C1orf141: variants seen among roughly 807,000 people sequenced by gnomAD.
C1orf141 encodes the protein chromosome 1 open reading frame 141.
C1orf141 carries 19 observed loss-of-function variants against 23.2 expected under a neutral mutation model. The observed-to-expected ratio is 0.82, with a 90% CI of 0.57 to 1.20. C1orf141 has a LOEUF of 1.20. Ranked by LOEUF, C1orf141 falls within the 50% of genes most tolerant of loss-of-function variation. The pLI is 0.00. For synonymous variants in C1orf141, 153 were observed against 154.6 expected, an observed-to-expected ratio of 0.99 and a Z score of 0.08; for missense variants, 469 against 455.1, an observed-to-expected ratio of 1.03 and a Z score of -0.28.
chr1:67,120,230 G>A (rs1242919884), intron 4 of C1orf141, among the ~76,000 whole-genome samples: 1 of 152,112 alleles, frequency 6.6e-6, no homozygotes, highest in South Asian at 2.1e-4. Flanking sequence ...TCCCATCAAC[G>A]TAGCTTGGAA....
chr1:67,113,780 T>C, intron 5 of C1orf141: 1 of 1,110,886 alleles, frequency 9.0e-7, no homozygotes, highest in Non-Finnish European at 1.2e-6. Context: ...GGAAAGAAAA[T>C]GGATTAGAGA....
Position 67,093,236 on chromosome 1 carries a change from T to G in C1orf141, c.972A>C (p.Leu324=). 1 of 1,613,952 alleles carries G rather than the reference T, an allele frequency of 6.2e-7. No homozygotes were observed. Among genetic ancestry groups the G allele is most frequent in the Non-Finnish European group, 8.5e-7 (1 of 1,179,868 alleles). ...CAAGGTAACCCACAAATTGTTTTGT[T>G]AGGCTAGAAAAATTCTGTGAGAAAT... ...LYNFSQNFSS[L]TKQFVGYLDK... Residue 324 remains leucine (L), a synonymous_variant, in exon 8 of 8, where the codon CTA becomes CTC. Transcript: ENST00000684719.
At chr1:67,132,533 A>G (rs1476689890) in intron 1 of C1orf141, among the ~76,000 whole-genome samples, 2 of 151,968 alleles carry the variant, frequency 1.3e-5, no homozygotes, top group African/African-American at 2.4e-5. Flanking sequence ...AAAAAAAAAA[A>G]GAGGTTTACT....
At chr1:67,110,207 T>C (rs1291411021) in intron 5 of C1orf141, among the ~76,000 whole-genome samples, 1 of 152,092 alleles carries the variant, frequency 6.6e-6, no homozygotes, top group Non-Finnish European at 1.5e-5. Context: ...GGAAGATAGT[T>C]GGAAGACAGG....
At position 67,113,714 on chromosome 1, in the gene C1orf141, C is replaced by A. The variant is rs1434054356; in HGVS notation, c.346+1638G>T. 4.7e-6 allele frequency: 6 copies of A among 1,278,746 alleles called. No homozygotes were observed. The East Asian group carries it at 1.7e-4, about 36-fold the overall frequency. 79.2% of individuals were successfully genotyped at this position (1,278,746 alleles called of 1,614,324 possible). A position where few individuals can be genotyped will look rare whatever the true frequency, so the allele number is the denominator to read the frequency against. On this transcript the variant is annotated intron_variant, in intron 5 of 7. Coordinates refer to ENST00000684719, the MANE Select transcript of C1orf141 (RefSeq NM_001276351.2). Reference sequence around the variant, plus strand: ...TCATACTAAGTACAATGAGAATCCGCTGAAGAGGCTTTAATCAGGATCAGC... The same window carrying A: ...TCATACTAAGTACAATGAGAATCCGATGAAGAGGCTTTAATCAGGATCAGC...
At chr1:67,136,524 G>C (rs78050756), upstream of C1orf141, among the ~76,000 whole-genome samples, 1,418 of 152,212 alleles carry the variant, frequency 9.3e-3, 25 homozygotes, top group African/African-American at 0.032. Flanking sequence ...GTTCAGAAAC[G>C]TTAGCTACTC....
Position 67,093,125 on chromosome 1 carries a change from T to G in C1orf141, c.1083A>C (p.Thr361=). Residue 361 remains threonine, a synonymous_variant, in exon 8 of 8, where the codon ACA becomes ACC. Coordinates refer to ENST00000684719, the MANE Select transcript of C1orf141 (RefSeq NM_001276351.2). ...AACATTTGACAGGTAAGGCACTGGATGTGGGTATGCTCGTTGGTTTTCCTG... is the reference window on the plus strand; with the variant it reads ...AACATTTGACAGGTAAGGCACTGGAGGTGGGTATGCTCGTTGGTTTTCCTG... ...FSAGKPTSIP[T]SSALPVKCYS... 3 of 1,614,018 alleles carry G rather than the reference T, an allele frequency of 1.9e-6. No homozygotes were observed. The highest frequency in any genetic ancestry group is 2.5e-6 in the Non-Finnish European group (3 of 1,179,902).
intron 1 of C1orf141, among the ~76,000 whole-genome samples, chr1:67,133,341 G>C (rs1646547111): frequency 6.6e-6 from 1 of 152,154 alleles, no homozygotes; most frequent in Admixed American, 6.5e-5. Context: ...CTTACTCCTT[G>C]AGGACGAGGC....
rs1332274436 is a variant in C1orf141 at position 67,105,042 on chromosome 1, A to G, written c.347-8721T>C. Among the ~76,000 whole-genome samples the G allele has an allele frequency of 3.9e-5, 6 of 152,250 alleles. No homozygotes were observed. The East Asian group carries it at 1.2e-3, about 29-fold the overall frequency. ...ATATTTTCTTAATGTGATAAAGAAT[A>G]TTGGCCAGGTACGGTGGCTCGTGCC... On this transcript the variant is annotated intron_variant, in intron 5 of 7. Coordinates refer to ENST00000684719, the MANE Select transcript of C1orf141 (RefSeq NM_001276351.2).
At chr1:67,140,351 C>T (rs572220605) in intron 1 of C1orf141, among the ~76,000 whole-genome samples, 1 of 152,136 alleles carries the variant, frequency 6.6e-6, no homozygotes, top group Admixed American at 6.5e-5. Flanking sequence ...CAAAGAGTAT[C>T]TTAAAATTTT....
At chr1:67,107,352 C>T (rs550710581) in intron 5 of C1orf141, among the ~76,000 whole-genome samples, 2 of 151,822 alleles carry the variant, frequency 1.3e-5, no homozygotes, top group South Asian at 2.1e-4. Flanking sequence ...CAGGGGCAAA[C>T]AAAAAAGAAT....
chr1:67,099,064 A>C (rs186744432), intron 5 of C1orf141, among the ~76,000 whole-genome samples: 41 of 152,344 alleles, frequency 2.7e-4, no homozygotes, highest in Admixed American at 1.2e-3. Context: ...ATTGTAAAGA[A>C]TCTATATTTG....
At chr1:67,131,575 T>C (rs1355610885) in intron 1 of C1orf141, among the ~76,000 whole-genome samples, 1 of 152,068 alleles carries the variant, frequency 6.6e-6, no homozygotes, top group Non-Finnish European at 1.5e-5. Flanking sequence ...GAAAAGATAG[T>C]CCAGGATCTG....
chr1:67,095,008 G>T (rs183815959), intron 7 of C1orf141: 11 of 434,126 alleles, frequency 2.5e-5, no homozygotes, highest in Non-Finnish European at 4.4e-5. Context: ...TTTGATAAAG[G>T]CTTCTTCATA....
At chr1:67,096,212 T>C in intron 6 of C1orf141, 40 bp downstream of exon 6, 1 of 979,244 alleles carries the variant, frequency 1.0e-6, no homozygotes, top group Non-Finnish European at 1.6e-6. Flanking sequence ...AGAAACATCA[T>C]TAAACAGAAC....
At chr1:67,128,944 T>C (rs770895079) in intron 2 of C1orf141, among the ~76,000 whole-genome samples, 1 of 152,180 alleles carries the variant, frequency 6.6e-6, no homozygotes, top group African/African-American at 2.4e-5. Flanking sequence ...CAACAGTTCA[T>C]GAAAGGAGAA....
intron 5 of C1orf141, among the ~76,000 whole-genome samples, chr1:67,109,691 T>C (rs1646023606): frequency 6.6e-6 from 1 of 152,362 alleles, no homozygotes; most frequent in East Asian, 1.9e-4. Flanking sequence ...TCCTTGTGCC[T>C]CTTTTTTCTC....
At chr1:67,103,081 A>C (rs1488613770) in intron 5 of C1orf141, among the ~76,000 whole-genome samples, 3 of 152,148 alleles carry the variant, frequency 2.0e-5, no homozygotes, top group Non-Finnish European at 2.9e-5. Flanking sequence ...TGGTGTGGAT[A>C]GGTTTAAGAG....
chr1:67,136,796 A>G (rs1196999299), upstream of C1orf141, among the ~76,000 whole-genome samples: 2 of 152,222 alleles, frequency 1.3e-5, no homozygotes, highest in African/African-American at 2.4e-5. Flanking sequence ...TCTTATAATT[A>G]GTAATACAAT....
Sources: gnomAD v4.1 joint callset for allele counts (sites outside exome capture counted in the v4.1 genomes callset) on GRCh38, gnomAD v4.1.1 for gene constraint, MANE v1.5 for transcripts, NCBI Gene and HGNC (gene_info 2026-07-23, HGNC 2026-07-21) for gene names.